Variants in MRTFA observed in about 807,000 individuals in gnomAD.
MRTFA encodes myocardin related transcription factor A, also known as myocardin-related transcription factor A.
In MRTFA, 20 loss-of-function variants were observed where a neutral mutation model predicts 83.5. The observed-to-expected ratio is 0.24, with a 90% CI of 0.17 to 0.35. The LOEUF (loss-of-function observed/expected upper bound fraction) is 0.35. MRTFA is among the 10% of genes least tolerant of loss of function. The pLI, the probability that MRTFA is intolerant of heterozygous loss-of-function variation, is 1.00. For missense variants in MRTFA, 1,200 were observed against 1,224.7 expected, an observed-to-expected ratio of 0.98 and a Z score of 0.30; for synonymous variants, 659 against 541.2, an observed-to-expected ratio of 1.22 and a Z score of -3.02.
intron 1 of MRTFA, among the ~76,000 whole-genome samples, chr22:40,617,612 A>G (rs1370855178): frequency 6.6e-6 from 1 of 151,936 alleles, no homozygotes; most frequent in African/African-American, 2.4e-5. Context: ...CTGTAGTCCC[A>G]GCTACTCGGG....
At chr22:40,470,821 C>T (rs188409996) in intron 3 of MRTFA, among the ~76,000 whole-genome samples, 171 of 151,794 alleles carry the variant, frequency 1.1e-3, no homozygotes, top group African/African-American at 3.9e-3. Context: ...TGGCAACAGG[C>T]GCCTGTAGTC....
chr22:40,558,895 C>A (rs548855804), intron 2 of MRTFA, among the ~76,000 whole-genome samples: 1 of 151,528 alleles, frequency 6.6e-6, no homozygotes, highest in East Asian at 2.0e-4. Flanking sequence ...AAGTGATTCT[C>A]ATGTCTCAGC....
chr22:40,447,499 A>G (rs2053403504), intron 4 of MRTFA, among the ~76,000 whole-genome samples: 1 of 152,184 alleles, frequency 6.6e-6, no homozygotes, highest in Non-Finnish European at 1.5e-5. Flanking sequence ...GCATGGCATC[A>G]AGGAGGCCAG....
chr22:40,517,034 T>C (rs2054772879), intron 3 of MRTFA, among the ~76,000 whole-genome samples: 1 of 152,102 alleles, frequency 6.6e-6, no homozygotes, highest in East Asian at 1.9e-4. Context: ...GCAATTCTCC[T>C]GCCCCAGCCT....
At chr22:40,626,403 C>T (rs989060183) in intron 1 of MRTFA, among the ~76,000 whole-genome samples, 1 of 152,130 alleles carries the variant, frequency 6.6e-6, no homozygotes, top group Non-Finnish European at 1.5e-5. Context: ...TTCTCTCCCA[C>T]GCCTCAAGTT....
At chr22:40,558,507 A>C (rs1219958686) in intron 2 of MRTFA, among the ~76,000 whole-genome samples, 1 of 151,844 alleles carries the variant, frequency 6.6e-6, no homozygotes, top group African/African-American at 2.4e-5. Context: ...TTATTGCTGG[A>C]ATTCAGAGAT....
At chr22:40,580,445 C>T (rs978973286) in intron 2 of MRTFA, among the ~76,000 whole-genome samples, 1 of 152,206 alleles carries the variant, frequency 6.6e-6, no homozygotes, top group Non-Finnish European at 1.5e-5. Flanking sequence ...TCGATCCTCC[C>T]ACCTTGATCT....
At chr22:40,539,029 C>A (rs936686185) in intron 3 of MRTFA, among the ~76,000 whole-genome samples, 4 of 121,788 alleles carry the variant, frequency 3.3e-5, no homozygotes, top group African/African-American at 1.3e-4. Context: ...AAGTCTCACT[C>A]TGCCACTCAG....
chr22:40,566,442 G>A (rs1401049685), intron 2 of MRTFA, among the ~76,000 whole-genome samples: 2 of 152,146 alleles, frequency 1.3e-5, no homozygotes, highest in East Asian at 3.9e-4. Flanking sequence ...GACTGGTACT[G>A]AACTCCTGAC....
At chr22:40,541,672 T>C (rs1360474611) in intron 3 of MRTFA, among the ~76,000 whole-genome samples, 2 of 152,180 alleles carry the variant, frequency 1.3e-5, no homozygotes, top group Non-Finnish European at 2.9e-5. Flanking sequence ...GTGTATTTTC[T>C]GTTTGTTTGT....
intron 1 of MRTFA, among the ~76,000 whole-genome samples, chr22:40,609,482 C>CA (rs148106089): frequency 0.047 from 3,257 of 69,692 alleles, 132 homozygotes; most frequent in African/African-American, 0.13. Context: ...GTCTCTTTAA[C>CA]AAAAAAAAAA....
At chr22:40,520,635 G>T (rs1405119377) in intron 3 of MRTFA, among the ~76,000 whole-genome samples, 1 of 152,130 alleles carries the variant, frequency 6.6e-6, no homozygotes, top group East Asian at 1.9e-4. Context: ...TCAAACTCCT[G>T]GGCTCAAGCG....
intron 4 of MRTFA, among the ~76,000 whole-genome samples, chr22:40,455,442 T>G (rs1054599381): frequency 4.0e-5 from 6 of 151,568 alleles, no homozygotes; most frequent in African/African-American, 1.5e-4. Context: ...GTCAGGAGAT[T>G]GAGACCATCC....
chr22:40,448,546 A>T (rs1214130519), intron 4 of MRTFA, among the ~76,000 whole-genome samples: 2 of 152,232 alleles, frequency 1.3e-5, no homozygotes, highest in Admixed American at 1.3e-4. Flanking sequence ...AGTGATTTTA[A>T]TCTAGTCTTT....
chr22:40,439,603 A>T (rs1481602118), intron 4 of MRTFA, among the ~76,000 whole-genome samples: 1 of 151,738 alleles, frequency 6.6e-6, no homozygotes, highest in African/African-American at 2.4e-5. Flanking sequence ...CACTGTTTAG[A>T]TGCATATCTG....
intron 1 of MRTFA, among the ~76,000 whole-genome samples, chr22:40,632,926 A>G (rs1289122121): frequency 6.6e-6 from 1 of 152,184 alleles, no homozygotes; most frequent in African/African-American, 2.4e-5. Flanking sequence ...AGCGGAGACT[A>G]TTTCCTTGAT....
In MRTFA at chr22:40,418,519, A is replaced by G; in HGVS notation, c.2219T>C (p.Leu740Ser). Residue 740 changes from leucine (L) to serine (S), a missense_variant, in exon 12 of 15, where the codon TTG becomes TCG. Physicochemically the swap from Leu to Ser is moderately radical, Grantham distance 145. Around this residue, in one of 2 missense-constraint regions of MRTFA, gnomAD observed 1,107 missense variants for 1,041.8 expected, o/e 1.06. Transcript: ENST00000355630. ...GCTGGGGCCCTGAGGCCCCAGAAGCAACTGGGGGGCGGGGACCGGCTCGGG... is the reference window on the plus strand; with the variant it reads ...GCTGGGGCCCTGAGGCCCCAGAAGCGACTGGGGGGCGGGGACCGGCTCGGG... 8 of 1,592,790 alleles carry G rather than the reference A, an allele frequency of 5.0e-6. No homozygotes were observed. In the South Asian group the frequency reaches 9.1e-5, roughly 18 times the overall value.
chr22:40,440,778 T>C (rs1406246346), intron 4 of MRTFA, among the ~76,000 whole-genome samples: 1 of 152,192 alleles, frequency 6.6e-6, no homozygotes. Flanking sequence ...CTTTCTTGAC[T>C]GTAGGAGCAA....
intron 3 of MRTFA, among the ~76,000 whole-genome samples, chr22:40,493,128 A>T (rs2054296911): frequency 6.6e-6 from 1 of 152,216 alleles, no homozygotes; most frequent in Non-Finnish European, 1.5e-5. Flanking sequence ...ATCATTAGGA[A>T]GGAAATCAGG....
Sources: allele counts gnomAD v4.1 joint callset (sites outside exome capture counted in the v4.1 genomes callset), GRCh38; gene constraint gnomAD v4.1.1; regional missense constraint gnomAD v4.1.1; transcripts MANE v1.5; gene names NCBI Gene and HGNC (gene_info 2026-07-23, HGNC 2026-07-21).